The following UIMC1 variants were observed in gnomAD, a reference collection of about 807,000 sequenced individuals.
UIMC1 encodes the protein BRCA1-A complex subunit RAP80.
A neutral mutation model predicts 84.9 loss-of-function variants in UIMC1; 42 were observed. That is an observed-to-expected ratio of 0.49 (90% CI 0.39 to 0.64). The LOEUF is 0.64. Among genes scored for constraint, UIMC1 ranks in the 30% least tolerant of loss-of-function variants. UIMC1 has a pLI of 0.00. For synonymous variants in UIMC1, 281 were observed against 293.0 expected (o/e 0.96, Z 0.42); for missense variants, 825 against 847.6 (o/e 0.97, Z 0.33).
intron 10 of UIMC1, among the ~76,000 whole-genome samples, chr5:176,921,798 T>C (rs1404136228): frequency 3.3e-5 from 5 of 152,190 alleles, no homozygotes; most frequent in African/African-American, 1.2e-4. Flanking sequence ...CCTCTATAGA[T>C]TATTTTCCAC....
At chr5:176,910,766 C>T (rs912714401) in intron 11 of UIMC1, among the ~76,000 whole-genome samples, 13 of 152,010 alleles carry the variant, frequency 8.6e-5, no homozygotes, top group African/African-American at 3.1e-4. Flanking sequence ...ATACAGAGGC[C>T]ACCTACACTG....
intron 10 of UIMC1, among the ~76,000 whole-genome samples, chr5:176,933,689 A>G (rs1042972753): frequency 6.6e-6 from 1 of 151,990 alleles, no homozygotes; most frequent in African/African-American, 2.4e-5. Context: ...GGCATGTACC[A>G]CCACACAAAG....
chr5:176,951,199 G>T (rs1178443485), intron 9 of UIMC1, among the ~76,000 whole-genome samples: 3 of 152,126 alleles, frequency 2.0e-5, no homozygotes, highest in Admixed American at 1.3e-4. Context: ...TTAGTAGTAT[G>T]ATTTAGAGCA....
Position 176,987,197 on chromosome 5 carries a change from G to C in UIMC1, c.-8-4574C>G, listed in dbSNP as rs543507494. On this transcript the variant is annotated intron_variant, in intron 1 of 14. Coordinates refer to ENST00000511320, the MANE Select transcript of UIMC1 (RefSeq NM_001199298.2). ...ATCGTGCCATTGGCACTCCAGCCTG[G>C]GCGACAAGAGCGAAACTCCATCTCA... 5.9e-5 allele frequency among the ~76,000 whole-genome samples: 9 copies of C among 152,280 alleles called. No individual in the cohort carries two copies. In the South Asian group the frequency reaches 1.7e-3, roughly 28 times the overall value.
chr5:176,990,764 C>G (rs983207152), intron 1 of UIMC1, among the ~76,000 whole-genome samples: 3 of 152,006 alleles, frequency 2.0e-5, no homozygotes, highest in Non-Finnish European at 2.9e-5. Context: ...ACCTGTAACT[C>G]TTAGGTTCAA....
At chr5:177,021,744 C>A (rs1329016778) in intron 1 of UIMC1, among the ~76,000 whole-genome samples, 1 of 152,112 alleles carries the variant, frequency 6.6e-6, no homozygotes, top group Non-Finnish European at 1.5e-5. Context: ...CCTCTGCCTC[C>A]CGGGTTCAAG....
chr5:176,928,469 A>G (rs1383192202), intron 10 of UIMC1, among the ~76,000 whole-genome samples: 2 of 152,240 alleles, frequency 1.3e-5, no homozygotes, highest in African/African-American at 4.8e-5. Flanking sequence ...TTCAAGAATG[A>G]TTCAATCTTT....
intron 1 of UIMC1, among the ~76,000 whole-genome samples, chr5:176,986,533 G>A (rs1661380394): frequency 9.5e-6 from 1 of 105,146 alleles, no homozygotes; most frequent in Admixed American, 1.3e-4. Flanking sequence ...GCAAGACCCT[G>A]TCTCCAAAAA....
intron 3 of UIMC1, among the ~76,000 whole-genome samples, chr5:176,972,944 C>A (rs1422518684): frequency 2.1e-5 from 3 of 140,372 alleles, no homozygotes; most frequent in Non-Finnish European, 4.6e-5. Flanking sequence ...GAAATGGCGT[C>A]TCTCTCTGTT....
chr5:176,998,325 A>G (rs1320622033), intron 1 of UIMC1, among the ~76,000 whole-genome samples: 1 of 151,986 alleles, frequency 6.6e-6, no homozygotes, highest in East Asian at 1.9e-4. Flanking sequence ...TTAGCTGGGC[A>G]TGGTGGCACA....
chr5:177,002,293 A>G (rs1181888370), intron 1 of UIMC1, among the ~76,000 whole-genome samples: 1 of 152,046 alleles, frequency 6.6e-6, no homozygotes, highest in East Asian at 1.9e-4. Flanking sequence ...TTTTCCCAAA[A>G]AAATAAAAAT....
At chr5:176,968,417 T>C (rs544329020) in intron 6 of UIMC1, 138 bp downstream of exon 6, 2 of 1,259,998 alleles carry the variant, frequency 1.6e-6, no homozygotes, top group African/African-American at 1.5e-5. Flanking sequence ...TACTCTCCTG[T>C]ACTTTCCTAA....
Position 176,959,822 on chromosome 5 carries a change from G to A in UIMC1, c.1201-1668C>T, listed in dbSNP as rs556707536. 3.3e-5 allele frequency among the ~76,000 whole-genome samples: 5 copies of A among 151,768 alleles called. No individual in the cohort carries two copies. The South Asian group carries it at 6.2e-4, about 19-fold the overall frequency. On this transcript the variant is annotated intron_variant, in intron 6 of 14. Transcript: ENST00000511320. The stretch of plus-strand genomic sequence containing the variant: ...CAAGGTGGGCGGATCACCTGAGGTC[G>A]GGAGTTCAAGACCAGCCTGACCAAC...
At chr5:176,993,254 C>T (rs752289073) in intron 1 of UIMC1, among the ~76,000 whole-genome samples, 9 of 152,036 alleles carry the variant, frequency 5.9e-5, no homozygotes, top group African/African-American at 1.4e-4. Context: ...GAGGCCAACA[C>T]GGCTCACCAC....
intron 10 of UIMC1, among the ~76,000 whole-genome samples, chr5:176,926,851 TAGAG>T (rs1301116738): frequency 6.6e-6 from 1 of 152,042 alleles, no homozygotes; most frequent in South Asian, 2.1e-4. Flanking sequence ...ATTTTCAAAA[TAGAG>T]AGGAAAAAAA....
chr5:176,969,440 A>T, intron 5 of UIMC1, 149 bp from the exon 6 acceptor site: 1 of 1,344,646 alleles, frequency 7.4e-7, no homozygotes, highest in African/African-American at 1.5e-5. Context: ...TTGGAGATAA[A>T]AGTATGCCGG....
chr5:177,021,043 C>A (rs148925237), intron 1 of UIMC1, among the ~76,000 whole-genome samples: 1 of 151,986 alleles, frequency 6.6e-6, no homozygotes, highest in Non-Finnish European at 1.5e-5. Flanking sequence ...ATTTTGGGAG[C>A]CCGAGGCAGG....
At position 177,000,498 on chromosome 5, in the gene UIMC1, C is replaced by CTTTTTTTTTTT. The variant is rs966855813; in HGVS notation, c.-9+6141_-9+6151dup. Among the ~76,000 whole-genome samples the CTTTTTTTTTTT allele has an allele frequency of 4.4e-5, 5 of 113,362 alleles. 1 individual carries two copies. The highest frequency in any genetic ancestry group is 2.0e-4 in the African/African-American group (5 of 25,094). 74.4% of individuals were successfully genotyped at this position (113,362 alleles called of 152,430 possible). A position where few individuals can be genotyped will look rare whatever the true frequency, so the allele number is the denominator to read the frequency against. ...ATATGCCTGTTTTCCACTTGCATGT[C>CTTTTTTTTTTT]TTTTTTTTTTTTTTTTTTTGAGATG... On this transcript the variant is annotated intron_variant, in intron 1 of 14. Coordinates refer to ENST00000511320, the MANE Select transcript of UIMC1 (RefSeq NM_001199298.2).
At position 176,975,487 on chromosome 5, in the gene UIMC1, C is replaced by T. The variant is rs1561861597; in HGVS notation, c.148-7G>A. On this transcript the variant is annotated splice_polypyrimidine_tract_variant and splice_region_variant and intron_variant, in intron 2 of 14. Coordinates refer to ENST00000511320, the MANE Select transcript of UIMC1 (RefSeq NM_001199298.2). ...CATTTTCCTCCTTTGGTTCCTGTTGCAAAACAAGAAATATCATCAGTGTGG... is the reference window on the plus strand; with the variant it reads ...CATTTTCCTCCTTTGGTTCCTGTTGTAAAACAAGAAATATCATCAGTGTGG... The T allele has an allele frequency of 6.2e-7, 1 of 1,613,534 alleles. No homozygotes were observed. The highest frequency in any genetic ancestry group is 1.7e-5 in the Admixed American group (1 of 59,940).
Sources: gnomAD v4.1 joint callset for allele counts (sites outside exome capture counted in the v4.1 genomes callset) on GRCh38, gnomAD v4.1.1 for gene constraint, MANE v1.5 for transcripts, NCBI Gene and HGNC (gene_info 2026-07-23, HGNC 2026-07-21) for gene names.